Variants in NCAM2 observed in about 807,000 individuals in gnomAD.
The protein encoded by NCAM2 is neural cell adhesion molecule 2, also known as N-CAM-2.
A neutral mutation model predicts 98.1 loss-of-function variants in NCAM2; 30 were observed. The observed-to-expected ratio is 0.31, with a 90% CI of 0.23 to 0.41. NCAM2 has a LOEUF of 0.41. Ranked by LOEUF, NCAM2 falls within the 10% of genes least tolerant of loss-of-function variation. NCAM2 has a pLI of 1.00. For synonymous variants in NCAM2, 368 were observed against 342.4 expected, an observed-to-expected ratio of 1.07 and a Z score of -0.83; for missense variants, 867 against 1,005.8, an observed-to-expected ratio of 0.86 and a Z score of 1.87.
intron 10 of NCAM2, 85 bp from the exon 11 acceptor site, chr21:21,418,388 G>T: frequency 1.1e-6 from 1 of 936,058 alleles, no homozygotes; most frequent in Non-Finnish European, 1.7e-6. Flanking sequence ...AATGAAATGT[G>T]TGAAAGTGGT....
intron 1 of NCAM2, among the ~76,000 whole-genome samples, chr21:21,234,998 T>C (rs952083319): frequency 2.6e-5 from 4 of 152,072 alleles, no homozygotes; most frequent in Admixed American, 1.3e-4. Flanking sequence ...ATTTTGCAGT[T>C]TTAAAAGTGA....
At chr21:21,317,286 A>G (rs954701889) in intron 5 of NCAM2, among the ~76,000 whole-genome samples, 10 of 152,284 alleles carry the variant, frequency 6.6e-5, no homozygotes, top group Admixed American at 4.6e-4. Flanking sequence ...AGCAACTTGT[A>G]TGAGTAGCAC....
At chr21:21,396,675 C>T (rs576442988) in intron 9 of NCAM2, among the ~76,000 whole-genome samples, 8 of 152,158 alleles carry the variant, frequency 5.3e-5, no homozygotes, top group Non-Finnish European at 1.0e-4. Flanking sequence ...ACAGGCAGCT[C>T]CAGGTGCCAC....
chr21:21,295,948 A>G (rs62207667), intron 5 of NCAM2, among the ~76,000 whole-genome samples: 358 of 151,858 alleles, frequency 2.4e-3, no homozygotes, highest in Non-Finnish European at 3.9e-3. Context: ...CCTGATGGTG[A>G]TCATTTATGA....
intron 9 of NCAM2, among the ~76,000 whole-genome samples, chr21:21,391,258 T>A (rs2076374386): frequency 6.6e-6 from 1 of 152,114 alleles, no homozygotes; most frequent in Non-Finnish European, 1.5e-5. Context: ...TGTTAGTATT[T>A]TTCAAACATG....
chr21:21,487,557 G>T (rs978452354), intron 15 of NCAM2, among the ~76,000 whole-genome samples: 4 of 152,012 alleles, frequency 2.6e-5, no homozygotes, highest in African/African-American at 4.8e-5. Context: ...TATTTCAAAA[G>T]ATTGTTTTGA....
At position 21,200,747 on chromosome 21, in the gene NCAM2, C is replaced by G. The variant is rs1601629708; in HGVS notation, c.56-79831C>G. Among the ~76,000 whole-genome samples, 3 of 69,652 alleles carry G rather than the reference C, an allele frequency of 4.3e-5. No individual in the cohort carries two copies. The South Asian group carries it at 1.1e-3, about 27-fold the overall frequency. The allele number at this position is 69,652 out of a possible 152,430, so 45.7% of individuals were successfully genotyped here. The stretch of plus-strand genomic sequence containing the variant: ...AAAATAGGTCTAAATTAATGGGGCC[C>G]TTCATTTTTTTTTTTTTTTTTTTTG... On this transcript the variant is annotated intron_variant, in intron 1 of 17. Coordinates refer to ENST00000400546, the MANE Select transcript of NCAM2 (RefSeq NM_004540.5).
At chr21:21,088,330 G>A (rs1450823893) in intron 1 of NCAM2, among the ~76,000 whole-genome samples, 11 of 152,150 alleles carry the variant, frequency 7.2e-5, no homozygotes, top group Admixed American at 6.5e-4. Context: ...TAATAGAATT[G>A]TTTAATATAC....
intron 11 of NCAM2, among the ~76,000 whole-genome samples, chr21:21,423,368 G>A (rs971104878): frequency 1.3e-5 from 2 of 152,080 alleles, no homozygotes; most frequent in African/African-American, 4.8e-5. Flanking sequence ...CACATGACAA[G>A]TACTCAACAA....
At chr21:21,151,954 A>G (rs1370376776) in intron 1 of NCAM2, among the ~76,000 whole-genome samples, 8 of 151,912 alleles carry the variant, frequency 5.3e-5, no homozygotes, top group Admixed American at 5.3e-4. Context: ...CTTTATGTGT[A>G]TCCTAATTAG....
intron 1 of NCAM2, among the ~76,000 whole-genome samples, chr21:21,096,281 T>C (rs1601353832): frequency 6.6e-6 from 1 of 151,812 alleles, no homozygotes; most frequent in African/African-American, 2.4e-5. Flanking sequence ...TATGTGAATT[T>C]ATTACATTTT....
intron 11 of NCAM2, among the ~76,000 whole-genome samples, chr21:21,427,101 G>A (rs1188645992): frequency 2.0e-5 from 3 of 152,138 alleles, no homozygotes; most frequent in African/African-American, 4.8e-5. Flanking sequence ...TGAACTATGC[G>A]TGCTGGGAGA....
intron 1 of NCAM2, among the ~76,000 whole-genome samples, chr21:21,006,494 G>T (rs1164436653): frequency 6.6e-6 from 1 of 152,166 alleles, no homozygotes; most frequent in African/African-American, 2.4e-5. Flanking sequence ...GGGTGACAGA[G>T]TGAGACCCCA....
intron 1 of NCAM2, among the ~76,000 whole-genome samples, chr21:21,208,087 C>A (rs554430720): frequency 3.3e-5 from 5 of 152,052 alleles, no homozygotes; most frequent in Admixed American, 3.3e-4. Flanking sequence ...CTTGAGTAAC[C>A]AAATTAATTG....
chr21:21,230,086 G>A (rs1321728657), intron 1 of NCAM2, among the ~76,000 whole-genome samples: 3 of 150,934 alleles, frequency 2.0e-5, no homozygotes, highest in African/African-American at 7.3e-5. Flanking sequence ...TATGGACTTT[G>A]TCTAAATTCT....
intron 1 of NCAM2, among the ~76,000 whole-genome samples, chr21:21,165,783 C>A (rs917642317): frequency 6.6e-6 from 1 of 152,232 alleles, no homozygotes; most frequent in East Asian, 1.9e-4. Context: ...GGTGTATTTT[C>A]CCTGCCTTCC....
intron 1 of NCAM2, among the ~76,000 whole-genome samples, chr21:21,065,913 C>T (rs1212784555): frequency 6.6e-6 from 1 of 151,998 alleles, no homozygotes. Flanking sequence ...ATTAATGGTC[C>T]TACTAAAAAT....
chr21:21,282,960 A>C (rs974092754), intron 2 of NCAM2, among the ~76,000 whole-genome samples: 6 of 151,876 alleles, frequency 4.0e-5, no homozygotes, highest in African/African-American at 1.4e-4. Flanking sequence ...TATTTAACTT[A>C]CTATATAAAA....
At chr21:21,259,495 T>G (rs890813196) in intron 1 of NCAM2, among the ~76,000 whole-genome samples, 4 of 151,344 alleles carry the variant, frequency 2.6e-5, no homozygotes, top group Admixed American at 6.6e-5. Flanking sequence ...AATTTCCCTC[T>G]AAACCCCACC....
Sources: allele counts gnomAD v4.1 joint callset (sites outside exome capture counted in the v4.1 genomes callset), GRCh38; gene constraint gnomAD v4.1.1; transcripts MANE v1.5; gene names NCBI Gene and HGNC (gene_info 2026-07-23, HGNC 2026-07-21).